Variants in SHC4 observed in about 807,000 individuals in gnomAD.
The protein encoded by SHC4 is SHC adaptor protein 4.
SHC4 carries 41 observed loss-of-function variants against 69.4 expected under a neutral mutation model. The ratio of observed to expected loss-of-function variants is 0.59; its 90% CI spans 0.46 to 0.77. SHC4 has a LOEUF of 0.77. Ranked by LOEUF, SHC4 falls within the 30% of genes least tolerant of loss-of-function variation. SHC4 has a pLI of 0.00. For missense variants in SHC4, 777 were observed against 783.8 expected, an observed-to-expected ratio of 0.99 and a Z score of 0.10; for synonymous variants, 318 against 299.3, an observed-to-expected ratio of 1.06 and a Z score of -0.64.
At chr15:48,849,763 C>T (rs1285809110) in intron 9 of SHC4, among the ~76,000 whole-genome samples, 1 of 152,106 alleles carries the variant, frequency 6.6e-6, no homozygotes, top group Non-Finnish European at 1.5e-5. Context: ...TGTCAGAGAG[C>T]ATAACTTTTA....
chr15:48,854,664 G>A (rs1269711711), intron 8 of SHC4, among the ~76,000 whole-genome samples: 3 of 152,194 alleles, frequency 2.0e-5, no homozygotes, highest in Non-Finnish European at 4.4e-5. Flanking sequence ...CATGTCCTTT[G>A]CAACAACATG....
chr15:48,962,489 C>G lies in SHC4; in HGVS notation c.527G>C (p.Arg176Thr). 1 of 1,551,442 alleles carries G rather than the reference C, an allele frequency of 6.4e-7. No homozygotes were observed. The highest frequency in any genetic ancestry group is 8.7e-7 in the Non-Finnish European group (1 of 1,150,404). The stretch of plus-strand genomic sequence containing the variant: ...GTGCTGTAGAAAGTGCCTGTCCTGC[C>G]TGCTCCTAAGTGTTGGCTCCCCAGG... ...PGPGEPTLRS[R>T]QDRHFLQHLL... The change falls in exon 1 of 12, where the codon AGG (arginine) becomes ACG (threonine). Residue 176 changes from arginine to threonine, a missense_variant. Coordinates refer to ENST00000332408, the MANE Select transcript of SHC4 (RefSeq NM_203349.4).
At chr15:48,868,665 G>C (rs1002496945) in intron 5 of SHC4, among the ~76,000 whole-genome samples, 3 of 152,132 alleles carry the variant, frequency 2.0e-5, no homozygotes, top group Non-Finnish European at 4.4e-5. Context: ...TGACTCTCTA[G>C]AGGGAAGATG....
chr15:48,954,295 C>G (rs553436469), intron 1 of SHC4, among the ~76,000 whole-genome samples: 2 of 152,210 alleles, frequency 1.3e-5, no homozygotes, highest in Admixed American at 1.3e-4. Context: ...AATAATCCCC[C>G]GTTGAGAACC....
intron 1 of SHC4, among the ~76,000 whole-genome samples, chr15:48,958,103 T>C (rs1256227083): frequency 6.6e-6 from 1 of 152,218 alleles, no homozygotes; most frequent in Non-Finnish European, 1.5e-5. Context: ...GCCACGCAGT[T>C]TGTGGGACTT....
intron 1 of SHC4, among the ~76,000 whole-genome samples, chr15:48,930,422 G>A (rs1268307263): frequency 6.6e-6 from 1 of 152,146 alleles, no homozygotes; most frequent in Non-Finnish European, 1.5e-5. Context: ...TCTTGGCTAG[G>A]AGTATGGGAG....
intron 2 of SHC4, among the ~76,000 whole-genome samples, chr15:48,924,281 C>T (rs1262555133): frequency 3.9e-5 from 6 of 152,166 alleles, no homozygotes; most frequent in Admixed American, 6.5e-5. Flanking sequence ...TCCTTCTTTC[C>T]GTCCTTGCTT....
At chr15:48,922,187 C>A (rs540705201) in intron 2 of SHC4, among the ~76,000 whole-genome samples, 1 of 152,258 alleles carries the variant, frequency 6.6e-6, no homozygotes, top group East Asian at 1.9e-4. Context: ...TGTTTCCTTG[C>A]CTATAGTCTG....
At chr15:48,878,073 C>A in intron 4 of SHC4, 1 of 1,441,278 alleles carries the variant, frequency 6.9e-7, no homozygotes, top group Non-Finnish European at 9.3e-7. Context: ...CGCCTGCGCG[C>A]GGGGTTACGC....
chr15:48,946,394 A>G (rs778366577), intron 1 of SHC4, among the ~76,000 whole-genome samples: 5 of 152,052 alleles, frequency 3.3e-5, no homozygotes, highest in Non-Finnish European at 7.4e-5. Flanking sequence ...CAGAATCAAT[A>G]CTCACTCCTT....
intron 2 of SHC4, among the ~76,000 whole-genome samples, chr15:48,911,460 A>G (rs1347696831): frequency 6.6e-6 from 1 of 152,086 alleles, no homozygotes; most frequent in Non-Finnish European, 1.5e-5. Flanking sequence ...GAGTCCTTAC[A>G]TGTTAGGTGA....
In SHC4 at chr15:48,963,789, C is replaced by CT. The variant is rs1471500011; in HGVS notation, c.-775dup. Among the ~76,000 whole-genome samples, 1 of 152,194 alleles carries CT rather than the reference C, an allele frequency of 6.6e-6. No homozygotes were observed. The highest frequency in any genetic ancestry group is 1.5e-5 in the Non-Finnish European group (1 of 68,036). On this transcript the variant is annotated 5_prime_UTR_variant, in exon 1 of 12. Coordinates refer to ENST00000332408, the MANE Select transcript of SHC4 (RefSeq NM_203349.4). The stretch of plus-strand genomic sequence containing the variant: ...CCTCCCTCCTGGATTCCTCTCGGAG[C>CT]TTTTTTCAGAAGCCCATTTGCAGCC...
At chr15:48,943,219 A>C (rs1901207035) in intron 1 of SHC4, among the ~76,000 whole-genome samples, 1 of 152,094 alleles carries the variant, frequency 6.6e-6, no homozygotes, top group African/African-American at 2.4e-5. Flanking sequence ...ATCCCATGTA[A>C]CTGCAAGTTT....
intron 9 of SHC4, among the ~76,000 whole-genome samples, chr15:48,845,292 G>A (rs908505480): frequency 6.6e-6 from 1 of 152,194 alleles, no homozygotes; most frequent in Non-Finnish European, 1.5e-5. Flanking sequence ...CCAGTCAGAA[G>A]TCTGCAGTCT....
intron 1 of SHC4, among the ~76,000 whole-genome samples, chr15:48,961,324 A>G (rs1396066062): frequency 6.6e-6 from 1 of 152,212 alleles, no homozygotes; most frequent in Non-Finnish European, 1.5e-5. Context: ...TAAGAGCTTC[A>G]GTCAACTTCG....
chr15:48,913,634 C>T (rs1399271385), intron 2 of SHC4, among the ~76,000 whole-genome samples: 4 of 152,164 alleles, frequency 2.6e-5, no homozygotes, highest in Admixed American at 2.6e-4. Context: ...TCACCCCCTT[C>T]AAATTGTCAC....
intron 2 of SHC4, among the ~76,000 whole-genome samples, chr15:48,892,018 T>C (rs1254275944): frequency 6.6e-6 from 1 of 151,784 alleles, no homozygotes; most frequent in African/African-American, 2.4e-5. Flanking sequence ...ACACGCCCGG[T>C]TAATTTTTTT....
At chr15:48,841,526 G>A (rs1475038962) in intron 10 of SHC4, among the ~76,000 whole-genome samples, 1 of 152,212 alleles carries the variant, frequency 6.6e-6, no homozygotes, top group African/African-American at 2.4e-5. Flanking sequence ...GCTGCCCAGG[G>A]TTTGACTTTC....
Position 48,956,687 on chromosome 15 carries a change from A to T in SHC4, c.585+5744T>A, listed in dbSNP as rs191122270. 9.2e-5 allele frequency among the ~76,000 whole-genome samples: 14 copies of T among 152,296 alleles called. 1 individual carries two copies. Among genetic ancestry groups the T allele is most frequent in the African/African-American group, 2.6e-4 (11 of 41,572 alleles). ...AAAACTTACTGCCTCCACCCATGCC[A>T]GTATAACACCCTCCTTTCTGCCTTA... On this transcript the variant is annotated intron_variant, in intron 1 of 11. Transcript: ENST00000332408.
Sources: allele counts gnomAD v4.1 joint callset (sites outside exome capture counted in the v4.1 genomes callset), GRCh38; gene constraint gnomAD v4.1.1; transcripts MANE v1.5; gene names NCBI Gene and HGNC (gene_info 2026-07-23, HGNC 2026-07-21).